Variants in STAU2 observed in about 807,000 individuals in gnomAD.
The protein encoded by STAU2 is staufen double-stranded RNA binding protein 2, also known as double-stranded RNA-binding protein Staufen homolog 2.
Under a neutral mutation model 65.9 loss-of-function variants are expected in STAU2, and 20 were observed. The observed-to-expected ratio is 0.30, with a 90% CI of 0.21 to 0.44. STAU2 has a LOEUF of 0.44. Among genes scored for constraint, STAU2 ranks in the 20% least tolerant of loss-of-function variants. The probability of loss-of-function intolerance (pLI) is 1.00; values close to 1 mark genes in which losing one functional copy is unlikely to be tolerated. For synonymous variants in STAU2, 232 were observed against 233.9 expected (o/e 0.99, Z 0.07); for missense variants, 558 against 683.9 (o/e 0.82, Z 2.05).
At chr8:73,438,170 T>C (rs1817854640) in intron 13 of STAU2, among the ~76,000 whole-genome samples, 1 of 152,168 alleles carries the variant, frequency 6.6e-6, no homozygotes. Context: ...TGTCTCAGTC[T>C]GTCATTATTT....
chr8:73,656,043 G>A (rs568780151), intron 6 of STAU2, among the ~76,000 whole-genome samples: 2 of 151,620 alleles, frequency 1.3e-5, no homozygotes, highest in Non-Finnish European at 2.9e-5. Flanking sequence ...TCAGTCTCCC[G>A]AAGTGCTGGG....
chr8:73,649,934 A>G (rs1815734871), intron 6 of STAU2, among the ~76,000 whole-genome samples: 1 of 136,850 alleles, frequency 7.3e-6, no homozygotes. Context: ...CAGAGTTCCC[A>G]CACACCCTTC....
intron 13 of STAU2, among the ~76,000 whole-genome samples, chr8:73,488,232 C>A (rs966374237): frequency 6.6e-6 from 1 of 151,992 alleles, no homozygotes. Flanking sequence ...AATGATAAGA[C>A]TAAAATCAGA....
chr8:73,496,247 A>C (rs1320795113), intron 13 of STAU2, among the ~76,000 whole-genome samples: 1 of 151,606 alleles, frequency 6.6e-6, no homozygotes, highest in Non-Finnish European at 1.5e-5. Context: ...AAGAATGTTT[A>C]GAAAATTCCA....
At chr8:73,623,177 TA>T (rs1813390221) in intron 6 of STAU2, among the ~76,000 whole-genome samples, 1 of 152,228 alleles carries the variant, frequency 6.6e-6, no homozygotes, top group Admixed American at 6.5e-5. Flanking sequence ...AGCAACTTTT[TA>T]TACCACATAT....
chr8:73,695,577 A>C (rs189692963), intron 4 of STAU2, among the ~76,000 whole-genome samples: 253 of 152,284 alleles, frequency 1.7e-3, no homozygotes, highest in African/African-American at 5.8e-3. Flanking sequence ...AGAAAAGCAG[A>C]CAGAAAAGTA....
At chr8:73,630,912 A>G (rs984399830) in intron 6 of STAU2, among the ~76,000 whole-genome samples, 3 of 152,214 alleles carry the variant, frequency 2.0e-5, no homozygotes, top group African/African-American at 7.2e-5. Context: ...GAATACCCTT[A>G]GCTGTGGTTA....
rs537090386 is a variant in STAU2 at position 73,720,471 on chromosome 8, G to A, written c.-17-11309C>T. Among the ~76,000 whole-genome samples, 80 of 139,958 alleles carry A rather than the reference G, an allele frequency of 5.7e-4. 1 individual carries two copies. The highest frequency in any genetic ancestry group is 9.9e-4 in the Non-Finnish European group (63 of 63,408). The allele number at this position is 139,958 out of a possible 152,430, so 91.8% of individuals were successfully genotyped here. A position where few individuals can be genotyped will look rare whatever the true frequency, so the allele number is the denominator to read the frequency against. ...TAGCAATATCTCCTAATGTTGTATT[G>A]CTGTTGTCATTTAGTTTAAAATACT... On this transcript the variant is annotated intron_variant, in intron 3 of 14. Transcript: ENST00000524300.
At chr8:73,678,882 G>A (rs1818197235) in intron 5 of STAU2, among the ~76,000 whole-genome samples, 1 of 152,142 alleles carries the variant, frequency 6.6e-6, no homozygotes, top group South Asian at 2.1e-4. Flanking sequence ...CATGGATTCT[G>A]CAGAGTAGTC....
chr8:73,709,848 A>G (rs10088071), intron 3 of STAU2, among the ~76,000 whole-genome samples: 10,968 of 152,032 alleles, frequency 0.072, 428 homozygotes, highest in Middle Eastern at 0.14. Flanking sequence ...TTTACAGAGT[A>G]TTGATGTATG....
At chr8:73,450,584 G>A (rs1001449805) in intron 13 of STAU2, among the ~76,000 whole-genome samples, 1 of 152,132 alleles carries the variant, frequency 6.6e-6, no homozygotes, top group Non-Finnish European at 1.5e-5. Flanking sequence ...ATATAATACA[G>A]GTAAAGAAAA....
chr8:73,504,476 A>G (rs1040776611), intron 13 of STAU2, among the ~76,000 whole-genome samples: 1 of 152,106 alleles, frequency 6.6e-6, no homozygotes, highest in African/African-American at 2.4e-5. Flanking sequence ...TACAGACTTT[A>G]GGGATTACAT....
intron 3 of STAU2, among the ~76,000 whole-genome samples, chr8:73,712,779 A>C (rs1195150964): frequency 6.6e-6 from 1 of 152,084 alleles, no homozygotes; most frequent in African/African-American, 2.4e-5. Flanking sequence ...ACATAGCGAG[A>C]CCTCATCTCT....
chr8:73,425,978 A>T (rs1441867821), intron 13 of STAU2, among the ~76,000 whole-genome samples: 2 of 152,154 alleles, frequency 1.3e-5, no homozygotes, highest in East Asian at 3.9e-4. Context: ...CTTTTAGTAG[A>T]GACAGGGTTG....
At chr8:73,685,372 T>G (rs1041140616) in intron 5 of STAU2, among the ~76,000 whole-genome samples, 3 of 150,454 alleles carry the variant, frequency 2.0e-5, no homozygotes, top group Non-Finnish European at 3.0e-5. Flanking sequence ...AAAGAAACAC[T>G]TTTTTTTTCT....
intron 13 of STAU2, among the ~76,000 whole-genome samples, chr8:73,484,021 G>C (rs143588323): frequency 5.3e-5 from 8 of 152,230 alleles, no homozygotes; most frequent in African/African-American, 1.7e-4. Flanking sequence ...GTCATATCCG[G>C]AGTTAGTCTC....
rs1563615591 is a variant in STAU2, at chr8:73,478,048, T to TA, written c.1531-55347_1531-55346insT. Among the ~76,000 whole-genome samples, 45 of 134,524 alleles carry TA rather than the reference T, an allele frequency of 3.3e-4. No homozygotes were observed. In the East Asian group the frequency reaches 4.0e-3, roughly 12 times the overall value. The allele number at this position is 134,524 out of a possible 152,430, so 88.3% of individuals were successfully genotyped here. ...AATATATATATGTATATATATATAT[T>TA]TTTTTTTGTAGTAAGAAAATGCAGT... On this transcript the variant is annotated intron_variant, in intron 13 of 14. Coordinates refer to ENST00000524300, the MANE Select transcript of STAU2 (RefSeq NM_001164380.2).
chr8:73,458,910 T>A (rs138054525), intron 13 of STAU2: 10 of 152,318 alleles, frequency 6.6e-5, no homozygotes, highest in African/African-American at 2.4e-4. Context: ...CAAGAAGTTC[T>A]TACATTCCTG....
chr8:73,495,415 C>A (rs1821355822), intron 13 of STAU2, among the ~76,000 whole-genome samples: 1 of 151,276 alleles, frequency 6.6e-6, no homozygotes, highest in African/African-American at 2.4e-5. Flanking sequence ...ATGTTAAAGG[C>A]AGTTTATCTT....
Sources: allele counts gnomAD v4.1 joint callset (sites outside exome capture counted in the v4.1 genomes callset), GRCh38; gene constraint gnomAD v4.1.1; transcripts MANE v1.5; gene names NCBI Gene and HGNC (gene_info 2026-07-23, HGNC 2026-07-21).